BLOC1S1: variants seen among roughly 807,000 people sequenced by gnomAD.
The protein encoded by BLOC1S1 is biogenesis of lysosome-related organelles complex 1 subunit 1.
Under a neutral mutation model 19.0 loss-of-function variants are expected in BLOC1S1, and 11 were observed. The ratio of observed to expected loss-of-function variants is 0.58; its 90% confidence interval spans 0.37 to 0.96. The LOEUF (loss-of-function observed/expected upper bound fraction) is 0.96, where lower values mean the gene tolerates loss of function less well. BLOC1S1 is among the 40% of genes least tolerant of loss of function. The pLI, the probability that BLOC1S1 is intolerant of heterozygous loss-of-function variation, is 0.01. For missense variants in BLOC1S1, 220 were observed against 195.9 expected (o/e 1.12, Z -0.73); for synonymous variants, 94 against 76.4 (o/e 1.23, Z -1.20).
chr12:55,719,415 A>T, intron 3 of BLOC1S1, 84 bp from the exon 4 acceptor site: 2 of 1,468,156 alleles, frequency 1.4e-6, no homozygotes, highest in Non-Finnish European at 1.9e-6. Context: ...TTTCCAGGAG[A>T]TGAATAAAAC....
chr12:55,719,249 C>T, intron 3 of BLOC1S1, 26 bp downstream of exon 3: 7 of 1,614,070 alleles, frequency 4.3e-6, no homozygotes, highest in Non-Finnish European at 5.9e-6. Context: ...TACCTCACCA[C>T]CCCAATCCTG....
At chr12:55,716,743 C>CATTAAAAAA in intron 1 of BLOC1S1, 190 bp from the exon 2 acceptor site, 1 of 1,267,066 alleles carries the variant, frequency 7.9e-7, no homozygotes, top group South Asian at 2.0e-5. Flanking sequence ...TCCCAGGGTA[C>CATTAAAAAA]CAGTTTCCTC....
chr12:55,718,985 T>C (rs1468390988), intron 2 of BLOC1S1, 106 bp from the exon 3 acceptor site: 1 of 1,433,292 alleles, frequency 7.0e-7, no homozygotes, highest in East Asian at 2.5e-5. Context: ...GCCAAAATTA[T>C]GAGCCCTGAT....
rs1362300884 is a variant in BLOC1S1 at position 55,716,139 on chromosome 12, C to A, written c.88C>A (p.Leu30Met). Reference sequence around the variant, plus strand: ...CAGCCCCCAGCCCGACGTGACCATGCTGTCCCGCCTCCTAAAAGAACACCA... The same window carrying A: ...CAGCCCCCAGCCCGACGTGACCATGATGTCCCGCCTCCTAAAAGAACACCA... ...VPSPQPDVTM[L>M]SRLLKEHQAK... Residue 30 changes from leucine to methionine, a missense_variant, in exon 1 of 4, where the codon CTG becomes ATG. By Grantham distance (15) the Leu-to-Met change is conservative. Coordinates refer to ENST00000548925, the MANE Select transcript of BLOC1S1 (RefSeq NM_001487.4). 1 of 1,611,718 alleles carries A rather than the reference C, an allele frequency of 6.2e-7. No individual in the cohort carries two copies. Among genetic ancestry groups the A allele is most frequent in the African/African-American group, 1.3e-5 (1 of 74,946 alleles).
At chr12:55,718,999 T>C in intron 2 of BLOC1S1, 92 bp from the exon 3 acceptor site, 1 of 1,490,434 alleles carries the variant, frequency 6.7e-7, no homozygotes. Flanking sequence ...CCCTGATTCT[T>C]GGCTGAACTC....
At chr12:55,717,782 A>T (rs1406321791) in intron 2 of BLOC1S1, among the ~76,000 whole-genome samples, 1 of 152,100 alleles carries the variant, frequency 6.6e-6, no homozygotes, top group Non-Finnish European at 1.5e-5. Flanking sequence ...GAGAGAAAGA[A>T]AGTTGTGGCT....
At chr12:55,716,598 T>G in intron 1 of BLOC1S1, 1 of 1,218,628 alleles carries the variant, frequency 8.2e-7, no homozygotes, top group East Asian at 4.8e-5. Context: ...GGTGGGGCAC[T>G]TGTTTCCTGA....
intron 2 of BLOC1S1, among the ~76,000 whole-genome samples, chr12:55,718,668 C>T (rs1254424008): frequency 6.6e-6 from 1 of 152,074 alleles, no homozygotes; most frequent in Non-Finnish European, 1.5e-5. Flanking sequence ...CAGGGAGGGG[C>T]CCAATTTCCC....
rs1480962029 is a variant in BLOC1S1 at position 55,719,485 on chromosome 12, C to T, written c.352-14C>T. The T allele has an allele frequency of 6.2e-6, 10 of 1,612,364 alleles. No homozygotes were observed. Among genetic ancestry groups the T allele is most frequent in the Middle Eastern group, 1.7e-4 (1 of 6,054 alleles). On this transcript the variant is annotated splice_polypyrimidine_tract_variant and intron_variant, in intron 3 of 3. Coordinates refer to ENST00000548925, the MANE Select transcript of BLOC1S1 (RefSeq NM_001487.4). ...TCTGATTCCTGGGCTCCCACCTCCT[C>T]TCCCCCTTCCCAGGAAATTGGGGAT...
Position 55,719,087 on chromosome 12 carries a change from C to A in BLOC1S1, c.219-4C>A, listed in dbSNP as rs771980486. 7.3e-5 allele frequency: 118 copies of A among 1,613,528 alleles called. No homozygotes were observed. The South Asian group carries it at 1.2e-3, about 16-fold the overall frequency. ...CTGATCTCCTCCCTCCTCCAACCCCCCAGTGTGGCCCAGGCCTACATGAAC... is the reference window on the plus strand; with the variant it reads ...CTGATCTCCTCCCTCCTCCAACCCCACAGTGTGGCCCAGGCCTACATGAAC... On this transcript the variant is annotated splice_polypyrimidine_tract_variant and splice_region_variant and intron_variant, in intron 2 of 3. Transcript: ENST00000548925.
At chr12:55,717,048 C>T in intron 2 of BLOC1S1, 43 bp downstream of exon 2, 1 of 1,523,772 alleles carries the variant, frequency 6.6e-7, no homozygotes, top group Non-Finnish European at 8.8e-7. Flanking sequence ...TTCCCCACCC[C>T]GCCCAAGTTT....
chr12:55,716,677 A>C, intron 1 of BLOC1S1: 1 of 1,300,480 alleles, frequency 7.7e-7, no homozygotes, highest in Non-Finnish European at 9.7e-7. Context: ...CCTGGGAGTC[A>C]GGAGTCCTGG....
intron 2 of BLOC1S1, among the ~76,000 whole-genome samples, chr12:55,717,610 C>T (rs1876670710): frequency 6.6e-6 from 1 of 152,172 alleles, no homozygotes; most frequent in Non-Finnish European, 1.5e-5. Flanking sequence ...CAGAAGCGTG[C>T]AGAGATGATG....
At position 55,716,738 on chromosome 12, in the gene BLOC1S1, G is replaced by A. The variant is rs1876574875; in HGVS notation, c.146-195G>A. 12 of 1,288,450 alleles carry A rather than the reference G, an allele frequency of 9.3e-6. No individual in the cohort carries two copies. In the South Asian group the frequency reaches 1.4e-4, roughly 15 times the overall value. The allele number at this position is 1,288,450 out of a possible 1,614,324, so 79.8% of individuals were successfully genotyped here. ...CCTGAGTGAGTCCATTTCCCTCCCA[G>A]GGTACCAGTTTCCTCATCTCTAAAA... On this transcript the variant is annotated intron_variant, in intron 1 of 3. Coordinates refer to ENST00000548925, the MANE Select transcript of BLOC1S1 (RefSeq NM_001487.4).
intron 1 of BLOC1S1, chr12:55,716,696 G>T: frequency 7.7e-7 from 1 of 1,304,998 alleles, no homozygotes; most frequent in Non-Finnish European, 9.7e-7. Context: ...GGGCGCTGCC[G>T]CTGACTTCCT....
chr12:55,716,102 G>T lies in BLOC1S1; in HGVS notation c.51G>T (p.Gly17=), dbSNP rs369905868. The stretch of plus-strand genomic sequence containing the variant: ...GTTCCAGCTTCCGGAGCCGGAGGGG[G>T]CCCGGCGTACCCAGCCCCCAGCCCG... ...GERSSFRSRR[G]PGVPSPQPDV... is the part of the protein sequence containing the mutation. Residue 17 remains glycine (G), a synonymous_variant, in exon 1 of 4, where the codon GGG becomes GGT. Transcript: ENST00000548925. 82 of 1,598,832 alleles carry T rather than the reference G, an allele frequency of 5.1e-5. No individual in the cohort carries two copies. The African/African-American group carries it at 5.5e-4, about 11-fold the overall frequency.
intron 2 of BLOC1S1, among the ~76,000 whole-genome samples, chr12:55,718,510 G>GTGTGTT (rs1407977267): frequency 6.6e-6 from 1 of 151,862 alleles, no homozygotes; most frequent in Non-Finnish European, 1.5e-5. Context: ...GTGTGTGTGT[G>GTGTGTT]TGTGTGTTTG....
chr12:55,717,018 T>C lies in BLOC1S1; in HGVS notation c.218+13T>C. On this transcript the variant is annotated intron_variant, in intron 2 of 3. Transcript: ENST00000548925. The stretch of plus-strand genomic sequence containing the variant: ...ACCTCAATGTGGGGTATGGACCTCT[T>C]ATCAACATCAGTTTCCTCCTTCCCC... The C allele has an allele frequency of 6.4e-7, 1 of 1,564,832 alleles. No individual in the cohort carries two copies. The highest frequency in any genetic ancestry group is 2.0e-5 in the Admixed American group (1 of 50,538).
At chr12:55,718,868 T>C (rs2136136250) in intron 2 of BLOC1S1, among the ~76,000 whole-genome samples, 1 of 152,226 alleles carries the variant, frequency 6.6e-6, no homozygotes, top group African/African-American at 2.4e-5. Flanking sequence ...AGCTGGTATG[T>C]TTCTAGTCAG....
Sources: allele counts gnomAD v4.1 joint callset (sites outside exome capture counted in the v4.1 genomes callset), GRCh38; gene constraint gnomAD v4.1.1; transcripts MANE v1.5; gene names NCBI Gene and HGNC (gene_info 2026-07-23, HGNC 2026-07-21).